Variants in RABEP1 observed in about 807,000 individuals in gnomAD.
RABEP1 encodes the protein rabaptin, RAB GTPase binding effector protein 1.
In RABEP1, 51 loss-of-function variants were observed where a neutral mutation model predicts 123.4. The observed-to-expected ratio is 0.41, with a 90% CI of 0.33 to 0.52. RABEP1 has a LOEUF of 0.52. RABEP1 is among the 20% of genes least tolerant of loss of function. The pLI is 0.16. For synonymous variants in RABEP1, 347 were observed against 355.2 expected (o/e 0.98, Z 0.26); for missense variants, 888 against 996.3 (o/e 0.89, Z 1.46).
chr17:5,357,881 T>G (rs1369999356), intron 8 of RABEP1, among the ~76,000 whole-genome samples: 1 of 152,152 alleles, frequency 6.6e-6, no homozygotes, highest in Non-Finnish European at 1.5e-5. Context: ...GTGGTTTCTT[T>G]GGGAAAAGCA....
intron 2 of RABEP1, among the ~76,000 whole-genome samples, chr17:5,313,032 C>G (rs1747953243): frequency 6.6e-6 from 1 of 152,130 alleles, no homozygotes; most frequent in Admixed American, 6.5e-5. Context: ...ATTGCTTGAA[C>G]CCAGGAGGCA....
intron 6 of RABEP1, among the ~76,000 whole-genome samples, chr17:5,347,410 AAAACAAAC>A (rs72095260): frequency 0.23 from 35,286 of 150,202 alleles, 6,038 homozygotes; most frequent in African/African-American, 0.49. Flanking sequence ...ACTTCATCTC[AAAACAAAC>A]AAACAAACAA....
At chr17:5,319,575 T>C (rs891738983) in intron 2 of RABEP1, among the ~76,000 whole-genome samples, 10 of 151,872 alleles carry the variant, frequency 6.6e-5, no homozygotes, top group African/African-American at 2.4e-4. Context: ...CCATGTTGGC[T>C]ATGCTGGTCT....
intron 12 of RABEP1, among the ~76,000 whole-genome samples, chr17:5,369,506 G>A (rs1910356041): frequency 6.6e-6 from 1 of 152,132 alleles, no homozygotes; most frequent in African/African-American, 2.4e-5. Context: ...TGGCCTATGA[G>A]CTGATCCCTA....
intron 5 of RABEP1, among the ~76,000 whole-genome samples, chr17:5,342,917 T>C (rs530086856): frequency 6.6e-6 from 1 of 152,324 alleles, no homozygotes; most frequent in South Asian, 2.1e-4. Flanking sequence ...AAATTTGATA[T>C]ATGACAGGTG....
chr17:5,361,417 C>A lies in RABEP1; in HGVS notation c.1305C>A (p.Asp435Glu). The A allele has an allele frequency of 6.2e-7, 1 of 1,614,126 alleles. No individual in the cohort carries two copies. Among genetic ancestry groups the A allele is most frequent in the South Asian group, 1.1e-5 (1 of 91,078 alleles). ...NYKAKSAGNL[D>E]ESDFGPLVGA... is the part of the protein sequence containing the mutation. ...AAGCAAAATCTGCTGGAAACCTGGA[C>A]GAGTCAGATTTTGGACCACTGGTAG... The change falls in exon 9 of 18, where the codon GAC becomes GAA. Residue 435 changes from aspartate to glutamate, a missense_variant. By Grantham distance (45) the Asp-to-Glu change is conservative. Transcript: ENST00000537505.
chr17:5,334,483 C>T (rs550533780), intron 3 of RABEP1, among the ~76,000 whole-genome samples: 10 of 152,244 alleles, frequency 6.6e-5, no homozygotes, highest in South Asian at 4.1e-4. Flanking sequence ...CCACCCGCCT[C>T]GGCCTCCCAA....
chr17:5,282,403 C>A lies in RABEP1; in HGVS notation c.-84C>A. The A allele has an allele frequency of 8.9e-7, 1 of 1,117,488 alleles. No individual in the cohort carries two copies. Among genetic ancestry groups the A allele is most frequent in the Non-Finnish European group, 1.2e-6 (1 of 844,576 alleles). 69.2% of individuals were successfully genotyped at this position (1,117,488 alleles called of 1,614,324 possible). Reference sequence around the variant, plus strand: ...GCGGCGGCGGCGGCGGCTCGGTTGACGCCTCCTCCGCCAGCTGAGCCCGCG... The same window carrying A: ...GCGGCGGCGGCGGCGGCTCGGTTGAAGCCTCCTCCGCCAGCTGAGCCCGCG... On this transcript the variant is annotated 5_prime_UTR_variant, in exon 1 of 18. Coordinates refer to ENST00000537505, the MANE Select transcript of RABEP1 (RefSeq NM_004703.6).
intron 1 of RABEP1, among the ~76,000 whole-genome samples, chr17:5,307,059 C>G (rs2075185733): frequency 6.6e-6 from 1 of 152,172 alleles, no homozygotes; most frequent in African/African-American, 2.4e-5. Flanking sequence ...TGGCTTATGC[C>G]TGTAATCCCA....
intron 1 of RABEP1, among the ~76,000 whole-genome samples, chr17:5,301,596 T>C (rs1270345863): frequency 6.6e-6 from 1 of 152,206 alleles, no homozygotes; most frequent in Admixed American, 6.5e-5. Flanking sequence ...TCAGTAGAAC[T>C]AAGCAATGTG....
At chr17:5,316,607 C>T (rs117358268) in intron 2 of RABEP1, among the ~76,000 whole-genome samples, 3,373 of 151,376 alleles carry the variant, frequency 0.022, 55 homozygotes, top group Admixed American at 0.038. Context: ...CCAAGGTGGG[C>T]GGATTGCATG....
rs989005806 is a variant in RABEP1, at chr17:5,291,494, T to A, written c.34+8974T>A. 2.6e-5 allele frequency among the ~76,000 whole-genome samples: 4 copies of A among 152,252 alleles called. 1 individual carries two copies. The highest frequency in any genetic ancestry group is 6.5e-5 in the Admixed American group (1 of 15,284). On this transcript the variant is annotated intron_variant, in intron 1 of 17. Transcript: ENST00000537505. ...TTAAATTAATTTTTATATCTACAAA[T>A]AAAAATATTTTAAAACAATTGATCA...
Position 5,383,111 on chromosome 17 carries a change from TG to T in RABEP1, c.2488-10del. On this transcript the variant is annotated splice_polypyrimidine_tract_variant and intron_variant, in intron 17 of 17. Transcript: ENST00000537505. ...GAGCCACCTGTAGTTATCTCACCATTGTTTCTCCAGGTGCAGTTAGAGCGGA... is the reference window on the plus strand; with the variant it reads ...GAGCCACCTGTAGTTATCTCACCATTTTTCTCCAGGTGCAGTTAGAGCGGA... 1 of 1,612,676 alleles carries T rather than the reference TG, an allele frequency of 6.2e-7. No individual in the cohort carries two copies. The highest frequency in any genetic ancestry group is 8.5e-7 in the Non-Finnish European group (1 of 1,178,662).
chr17:5,301,461 AG>A (rs1247156246), intron 1 of RABEP1, among the ~76,000 whole-genome samples: 2 of 152,206 alleles, frequency 1.3e-5, no homozygotes, highest in East Asian at 3.9e-4. Flanking sequence ...TGGATATGGC[AG>A]TTGTCAACTA....
chr17:5,289,685 A>T (rs764120314), intron 1 of RABEP1, among the ~76,000 whole-genome samples: 13 of 152,188 alleles, frequency 8.5e-5, no homozygotes, highest in Non-Finnish European at 1.8e-4. Context: ...CATAAGGAAC[A>T]GTCTCGCTTC....
In RABEP1 at chr17:5,335,215, C is replaced by G. The variant is rs767000577; in HGVS notation, c.399C>G (p.His133Gln). 6.2e-7 allele frequency: 1 copy of G among 1,613,228 alleles called. No individual in the cohort carries two copies. Among genetic ancestry groups the G allele is most frequent in the Non-Finnish European group, 8.5e-7 (1 of 1,179,504 alleles). Residue 133 changes from histidine (H) to glutamine (Q), a missense_variant, in exon 4 of 18, where the codon CAC becomes CAG. By Grantham distance (24) the His-to-Gln change is conservative (BLOSUM62 0). Coordinates refer to ENST00000537505, the MANE Select transcript of RABEP1 (RefSeq NM_004703.6). ...ETVRDYEHQF[H>Q]LRLEQERTQW... The stretch of plus-strand genomic sequence containing the variant: ...TTCGTGACTATGAGCACCAGTTCCA[C>G]CTTAGGCTGGAGCAGGAGCGAACAC...
At position 5,368,367 on chromosome 17, in the gene RABEP1, A is replaced by G. The variant is rs1910257420; in HGVS notation, c.1786-3A>G. 6.2e-7 allele frequency: 1 copy of G among 1,600,114 alleles called. No individual in the cohort carries two copies. Among genetic ancestry groups the G allele is most frequent in the Admixed American group, 1.7e-5 (1 of 57,676 alleles). ...ATGTTTCTATACATGTGTTTTTTTA[A>G]AGATCTCTGCACTCGTCCTAAGAGC... On this transcript the variant is annotated splice_region_variant and splice_polypyrimidine_tract_variant and intron_variant, in intron 11 of 17. Coordinates refer to ENST00000537505, the MANE Select transcript of RABEP1 (RefSeq NM_004703.6).
In RABEP1 at chr17:5,350,438, G is replaced by C; in HGVS notation, c.785-13G>C. The C allele has an allele frequency of 6.3e-7, 1 of 1,593,388 alleles. No homozygotes were observed. The highest frequency in any genetic ancestry group is 1.8e-5 in the Admixed American group (1 of 54,354). The stretch of plus-strand genomic sequence containing the variant: ...CAGTGTTTTTGATTTGTGGTGGGGG[G>C]GTTCCTAAACAGTTTGCCATCTCTT... On this transcript the variant is annotated splice_polypyrimidine_tract_variant and intron_variant, in intron 6 of 17. Coordinates refer to ENST00000537505, the MANE Select transcript of RABEP1 (RefSeq NM_004703.6).
At chr17:5,340,272 A>G (rs1907474066) in intron 5 of RABEP1, among the ~76,000 whole-genome samples, 1 of 152,190 alleles carries the variant, frequency 6.6e-6, no homozygotes, top group Admixed American at 6.5e-5. Flanking sequence ...ACCTTGGGCA[A>G]ATTACTTAAT....
Sources: allele counts gnomAD v4.1 joint callset (sites outside exome capture counted in the v4.1 genomes callset), GRCh38; gene constraint gnomAD v4.1.1; transcripts MANE v1.5; gene names NCBI Gene and HGNC (gene_info 2026-07-23, HGNC 2026-07-21).